The following DNAJA4 variants were observed in gnomAD, a reference collection of about 807,000 sequenced individuals.
The protein encoded by DNAJA4 is DnaJ heat shock protein family (Hsp40) member A4.
Under a neutral mutation model 39.7 loss-of-function variants are expected in DNAJA4, and 32 were observed. The observed-to-expected ratio is 0.81, with a 90% confidence interval of 0.61 to 1.08. The LOEUF (loss-of-function observed/expected upper bound fraction) is 1.08. Ranked by LOEUF, DNAJA4 falls within the 50% of genes least tolerant of loss-of-function variation. DNAJA4 has a pLI of 0.00. For synonymous variants in DNAJA4, 184 were observed against 182.4 expected (o/e 1.01, Z -0.07); for missense variants, 439 against 505.1 (o/e 0.87, Z 1.25).
chr15:78,280,172 G>A, intron 6 of DNAJA4, 27 bp downstream of exon 6: 1 of 1,611,668 alleles, frequency 6.2e-7, no homozygotes, highest in African/African-American at 1.3e-5. Context: ...TCATTGTCAT[G>A]GACATATTAT....
chr15:78,269,625 AG>A (rs2049238920), intron 1 of DNAJA4, among the ~76,000 whole-genome samples: 1 of 152,192 alleles, frequency 6.6e-6, no homozygotes. Flanking sequence ...ACCATAGTAA[AG>A]TTATCAAATT....
chr15:78,269,751 T>C (rs527495814), intron 1 of DNAJA4, among the ~76,000 whole-genome samples: 6 of 152,230 alleles, frequency 3.9e-5, no homozygotes, highest in African/African-American at 1.4e-4. Flanking sequence ...GGATCACACA[T>C]TGTATTCGTT....
intron 1 of DNAJA4, among the ~76,000 whole-genome samples, chr15:78,267,604 C>T (rs1344336388): frequency 6.6e-6 from 1 of 151,922 alleles, no homozygotes; most frequent in African/African-American, 2.4e-5. Flanking sequence ...GTCTTTTGGT[C>T]AATTTCATTG....
chr15:78,275,799 A>AT, intron 5 of DNAJA4, 71 bp downstream of exon 5: 1 of 1,048,742 alleles, frequency 9.5e-7, no homozygotes, highest in Non-Finnish European at 1.4e-6. Context: ...AGTTAGCCTG[A>AT]TTTTTTTATT....
intron 1 of DNAJA4, 139 bp from the exon 2 acceptor site, chr15:78,270,358 A>G: frequency 3.6e-6 from 3 of 835,348 alleles, no homozygotes; most frequent in South Asian, 1.9e-5. Flanking sequence ...GTCAGATTCC[A>G]GGTAGAGGAT....
chr15:78,281,479 A>G lies in DNAJA4; in HGVS notation c.*1019A>G, dbSNP rs1486489296. 1 of 152,200 alleles carries G rather than the reference A, an allele frequency of 6.6e-6. No individual in the cohort carries two copies. Among genetic ancestry groups the G allele is most frequent in the Non-Finnish European group, 1.5e-5 (1 of 68,046 alleles). 9.4% of individuals were successfully genotyped at this position (152,200 alleles called of 1,614,324 possible). ...CTCTCATTGCACAGCCATATTACAA[A>G]GGGTTTCCTGCTCAAGTGATGTTTT... is the stretch of plus-strand genomic sequence containing the variant. On this transcript the variant is annotated 3_prime_UTR_variant, in exon 7 of 7. Coordinates refer to ENST00000394852, the MANE Select transcript of DNAJA4 (RefSeq NM_001130182.2).
Position 78,270,648 on chromosome 15 carries a change from G to T in DNAJA4, c.284G>T (p.Gly95Val), listed in dbSNP as rs756316537. 6.2e-7 allele frequency: 1 copy of T among 1,614,090 alleles called. No individual in the cohort carries two copies. The highest frequency in any genetic ancestry group is 8.5e-7 in the Non-Finnish European group (1 of 1,180,012). The part of the protein sequence containing the change: ...PMDIFDMFFG[G>V]GGRMARERRG... ...GACATCTTTGACATGTTCTTTGGTG[G>T]TGGTGGACGGATGGCTAGAGAGAGA... Residue 95 changes from glycine to valine, a missense_variant, in exon 2 of 7, where the codon GGT becomes GTT. By Grantham distance (109) the Gly-to-Val change is moderately radical (BLOSUM62 -3). Coordinates refer to ENST00000394852, the MANE Select transcript of DNAJA4 (RefSeq NM_001130182.2).
intron 1 of DNAJA4, chr15:78,265,723 C>T (rs2049104631): frequency 1.4e-6 from 1 of 690,744 alleles, no homozygotes; most frequent in Non-Finnish European, 2.6e-6. Context: ...GGCTGCTAAC[C>T]CTCCCGTTCC....
upstream of DNAJA4, chr15:78,264,169 C>A: frequency 1.9e-6 from 1 of 515,916 alleles, no homozygotes; most frequent in Non-Finnish European, 3.1e-6. Context: ...GCGCAGGGCT[C>A]CGGCCAACAC....
chr15:78,266,738 T>G (rs1387519958), intron 1 of DNAJA4, among the ~76,000 whole-genome samples: 3 of 152,262 alleles, frequency 2.0e-5, no homozygotes, highest in African/African-American at 7.2e-5. Context: ...GGTGATTACT[T>G]GTTTGATAAC....
chr15:78,274,161 G>A lies in DNAJA4; in HGVS notation c.419-36G>A, dbSNP rs192360069. 18 of 1,593,006 alleles carry A rather than the reference G, an allele frequency of 1.1e-5. No individual in the cohort carries two copies. In the African/African-American group the frequency reaches 2.3e-4, roughly 20 times the overall value. Reference sequence around the variant, plus strand: ...CAGCAGGGACACTGGTAAGGGAAGAGCATGGCCCTCATTCCTGCCTCCCCT... The same window carrying A: ...CAGCAGGGACACTGGTAAGGGAAGAACATGGCCCTCATTCCTGCCTCCCCT... On this transcript the variant is annotated intron_variant, in intron 3 of 6. Coordinates refer to ENST00000394852, the MANE Select transcript of DNAJA4 (RefSeq NM_001130182.2).
At chr15:78,271,049 T>TCAAACAAA (rs35220396) in intron 2 of DNAJA4, among the ~76,000 whole-genome samples, 274 of 150,662 alleles carry the variant, frequency 1.8e-3, no homozygotes, top group African/African-American at 5.0e-3. Context: ...AGACCCTGTC[T>TCAAACAAA]CAAACAAACA....
upstream of DNAJA4, chr15:78,264,272 A>T: frequency 1.5e-6 from 2 of 1,308,648 alleles, no homozygotes; most frequent in Non-Finnish European, 2.0e-6. Context: ...CAGTTGTCGG[A>T]GGGCGCCCTC....
chr15:78,276,841 G>A (rs1034512907), intron 5 of DNAJA4, among the ~76,000 whole-genome samples: 4 of 152,200 alleles, frequency 2.6e-5, no homozygotes, highest in Admixed American at 6.5e-5. Flanking sequence ...AAGTCTGGTG[G>A]GGTGACTGAG....
chr15:78,267,168 G>GTGTGAGTGTGTA (rs1555438045), intron 1 of DNAJA4, among the ~76,000 whole-genome samples: 3,052 of 102,382 alleles, frequency 0.03, 125 homozygotes, highest in African/African-American at 0.09. Context: ...GTATGTGAGT[G>GTGTGAGTGTGTA]TGTGAGTGTG....
intron 5 of DNAJA4, among the ~76,000 whole-genome samples, chr15:78,276,079 TGGG>T (rs1262790231): frequency 2.0e-5 from 3 of 152,224 alleles, no homozygotes; most frequent in African/African-American, 7.2e-5. Context: ...AATATTCAGT[TGGG>T]GGGAAAGTCT....
chr15:78,264,865 C>T lies in DNAJA4; in HGVS notation c.102C>T (p.His34=), dbSNP rs1488274876. Residue 34 remains histidine, a synonymous_variant, in exon 1 of 7, where the codon CAC becomes CAT. Coordinates refer to ENST00000394852, the MANE Select transcript of DNAJA4 (RefSeq NM_001130182.2). Reference sequence around the variant, plus strand: ...ATCGGAAGCTGGCGCTCAAGTACCACCCGGACAAGAACCCGGATGAGGGCG... The same window carrying T: ...ATCGGAAGCTGGCGCTCAAGTACCATCCGGACAAGAACCCGGATGAGGGCG... ...KAYRKLALKY[H]PDKNPDEGEK... 6.2e-7 allele frequency: 1 copy of T among 1,606,060 alleles called. No individual in the cohort carries two copies. The highest frequency in any genetic ancestry group is 8.5e-7 in the Non-Finnish European group (1 of 1,176,428).
At chr15:78,268,616 T>C (rs2049208687) in intron 1 of DNAJA4, among the ~76,000 whole-genome samples, 1 of 152,218 alleles carries the variant, frequency 6.6e-6, no homozygotes, top group African/African-American at 2.4e-5. Flanking sequence ...GATCTGTTTA[T>C]CTATATATCC....
At chr15:78,269,824 T>C (rs2049245003) in intron 1 of DNAJA4, among the ~76,000 whole-genome samples, 2 of 152,144 alleles carry the variant, frequency 1.3e-5, no homozygotes, top group South Asian at 2.1e-4. Flanking sequence ...TTTCGTACAA[T>C]TGGGTTCCAG....
Sources: allele counts gnomAD v4.1 joint callset (sites outside exome capture counted in the v4.1 genomes callset), GRCh38; gene constraint gnomAD v4.1.1; transcripts MANE v1.5; gene names NCBI Gene and HGNC (gene_info 2026-07-23, HGNC 2026-07-21).